STXBP5L: variants seen among roughly 807,000 people sequenced by gnomAD.
STXBP5L encodes the protein syntaxin-binding protein 5-like.
In STXBP5L, 65 loss-of-function variants were observed where a neutral mutation model predicts 144.5. The ratio of observed to expected loss-of-function variants is 0.45; its 90% CI spans 0.37 to 0.55. STXBP5L has a LOEUF of 0.55. STXBP5L is among the 20% of genes least tolerant of loss of function. The pLI is 0.00. For missense variants in STXBP5L, 1,298 were observed against 1,405.5 expected (o/e 0.92, Z 1.22); for synonymous variants, 505 against 469.6 (o/e 1.08, Z -0.97).
chr3:121,310,786 G>A (rs895232216), intron 19 of STXBP5L, among the ~76,000 whole-genome samples: 22 of 151,998 alleles, frequency 1.4e-4, no homozygotes, highest in Non-Finnish European at 7.4e-5. Context: ...GCCCACACCT[G>A]TAATCCCAGC....
chr3:121,177,120 A>G (rs1168717061), intron 9 of STXBP5L, among the ~76,000 whole-genome samples: 3 of 152,050 alleles, frequency 2.0e-5, no homozygotes, highest in African/African-American at 2.4e-5. Context: ...GTGGCATCAG[A>G]ATTCTCACCC....
intron 3 of STXBP5L, among the ~76,000 whole-genome samples, chr3:121,006,028 G>A (rs1360639608): frequency 1.3e-5 from 2 of 152,186 alleles, no homozygotes; most frequent in Non-Finnish European, 2.9e-5. Context: ...TGTGTATTCT[G>A]ATGATTTGGG....
intron 21 of STXBP5L, among the ~76,000 whole-genome samples, chr3:121,380,624 C>T (rs2046302808): frequency 6.6e-6 from 1 of 151,798 alleles, no homozygotes; most frequent in Non-Finnish European, 1.5e-5. Flanking sequence ...GAAGCACTCT[C>T]AGAAAGATTA....
intron 7 of STXBP5L, among the ~76,000 whole-genome samples, chr3:121,125,100 G>A (rs559839516): frequency 6.6e-6 from 1 of 152,188 alleles, no homozygotes; most frequent in African/African-American, 2.4e-5. Context: ...AACTTGGAAG[G>A]GGAAAGCTTC....
At chr3:121,132,826 C>T (rs535187131) in intron 7 of STXBP5L, among the ~76,000 whole-genome samples, 2 of 151,356 alleles carry the variant, frequency 1.3e-5, no homozygotes, top group South Asian at 2.1e-4. Flanking sequence ...AGCTGAAGAA[C>T]ACAATAATAG....
At chr3:121,017,779 T>A (rs1945244176) in intron 3 of STXBP5L, among the ~76,000 whole-genome samples, 1 of 147,804 alleles carries the variant, frequency 6.8e-6, no homozygotes, top group Admixed American at 7.0e-5. Context: ...ATAGAAGATC[T>A]AAATAAATGG....
At chr3:121,358,530 A>G (rs567646248) in intron 20 of STXBP5L, among the ~76,000 whole-genome samples, 1 of 152,244 alleles carries the variant, frequency 6.6e-6, no homozygotes, top group East Asian at 1.9e-4. Flanking sequence ...TGAGAACTCT[A>G]TCATGAGGCA....
At chr3:121,401,674 C>T (rs2046877064) in intron 22 of STXBP5L, among the ~76,000 whole-genome samples, 1 of 114,690 alleles carries the variant, frequency 8.7e-6, no homozygotes, top group Non-Finnish European at 1.8e-5. Flanking sequence ...TATTCTCACT[C>T]ATAGGTGGGA....
At chr3:120,980,267 T>C (rs1304163458) in intron 3 of STXBP5L, among the ~76,000 whole-genome samples, 1 of 152,268 alleles carries the variant, frequency 6.6e-6, no homozygotes, top group East Asian at 1.9e-4. Context: ...GTAAAGACTT[T>C]CTTTGTTGAT....
intron 22 of STXBP5L, among the ~76,000 whole-genome samples, chr3:121,393,627 T>C (rs1452121296): frequency 6.6e-6 from 1 of 152,206 alleles, no homozygotes; most frequent in Non-Finnish European, 1.5e-5. Context: ...GAGATATGGG[T>C]CCAGTTTTAT....
At chr3:121,232,073 G>A (rs935912326) in intron 11 of STXBP5L, among the ~76,000 whole-genome samples, 8 of 152,288 alleles carry the variant, frequency 5.3e-5, no homozygotes, top group East Asian at 1.9e-4. Flanking sequence ...AACAGACAGC[G>A]ACCCTGAGTC....
chr3:121,134,674 T>C (rs1337723420), intron 7 of STXBP5L, among the ~76,000 whole-genome samples: 1 of 152,102 alleles, frequency 6.6e-6, no homozygotes, highest in East Asian at 1.9e-4. Context: ...TTTGTTCTTG[T>C]GATAGTTTGC....
At chr3:121,159,170 A>G (rs774822418) in intron 9 of STXBP5L, among the ~76,000 whole-genome samples, 2 of 151,852 alleles carry the variant, frequency 1.3e-5, no homozygotes, top group Non-Finnish European at 2.9e-5. Context: ...ACCACTTTAG[A>G]TATATCCTAT....
intron 5 of STXBP5L, among the ~76,000 whole-genome samples, chr3:121,071,580 T>TA (rs2041813887): frequency 6.6e-6 from 1 of 152,206 alleles, no homozygotes. Flanking sequence ...CAAGGTATGA[T>TA]ACCTGCAACT....
chr3:121,174,359 A>C (rs910854903), intron 9 of STXBP5L, among the ~76,000 whole-genome samples: 1 of 151,988 alleles, frequency 6.6e-6, no homozygotes, highest in Non-Finnish European at 1.5e-5. Context: ...GCTTTTCCTT[A>C]GTTTTTTCTG....
intron 19 of STXBP5L, 78 bp from the exon 20 acceptor site, chr3:121,318,397 C>A (rs1391928400): frequency 1.8e-6 from 2 of 1,105,416 alleles, no homozygotes; most frequent in Non-Finnish European, 2.5e-6. Flanking sequence ...GCCTTTTAAA[C>A]TTGTAGGAAT....
intron 2 of STXBP5L, among the ~76,000 whole-genome samples, chr3:120,940,504 G>T (rs1710511350): frequency 6.6e-6 from 1 of 151,874 alleles, no homozygotes; most frequent in Non-Finnish European, 1.5e-5. Flanking sequence ...AGAATGATGA[G>T]GTCAAAGTGT....
Position 121,348,348 on chromosome 3 carries a change from A to T in STXBP5L, c.2176+29808A>T, listed in dbSNP as rs1158806694. Among the ~76,000 whole-genome samples, 8 of 152,186 alleles carry T rather than the reference A, an allele frequency of 5.3e-5. No homozygotes were observed. The East Asian group carries it at 1.5e-3, about 29-fold the overall frequency. The stretch of plus-strand genomic sequence containing the variant: ...GATAAGGGTTTTGATGTGCTGCTGG[A>T]TTCGGTTTGCCAGTATTTTATTGAG... On this transcript the variant is annotated intron_variant, in intron 20 of 26. Transcript: ENST00000471454.
At chr3:121,345,851 G>C (rs2044944194) in intron 20 of STXBP5L, among the ~76,000 whole-genome samples, 1 of 151,920 alleles carries the variant, frequency 6.6e-6, no homozygotes, top group Non-Finnish European at 1.5e-5. Context: ...TATATCTAAA[G>C]GAAATGTCAC....
Sources: gnomAD v4.1 joint callset for allele counts (sites outside exome capture counted in the v4.1 genomes callset) on GRCh38, gnomAD v4.1.1 for gene constraint, MANE v1.5 for transcripts, NCBI Gene and HGNC (gene_info 2026-07-23, HGNC 2026-07-21) for gene names.